The following SOX5 variants were observed in gnomAD, a reference collection of about 807,000 sequenced individuals.
SOX5 encodes SRY-box transcription factor 5.
SOX5 carries 9 observed loss-of-function variants against 92.0 expected under a neutral mutation model. The ratio of observed to expected loss-of-function variants is 0.10; its 90% CI spans 0.06 to 0.17. The LOEUF (loss-of-function observed/expected upper bound fraction) is 0.17. SOX5 is among the 10% of genes least tolerant of loss of function. The probability of loss-of-function intolerance (pLI) is 1.00; values close to 1 mark genes in which losing one functional copy is unlikely to be tolerated. For synonymous variants in SOX5, 344 were observed against 336.3 expected, an observed-to-expected ratio of 1.02 and a Z score of -0.25; for missense variants, 642 against 944.5, an observed-to-expected ratio of 0.68 and a Z score of 4.20.
intron 4 of SOX5, among the ~76,000 whole-genome samples, chr12:24,206,637 T>C (rs1024777936): frequency 2.1e-4 from 32 of 151,872 alleles, no homozygotes; most frequent in Admixed American, 2.1e-3. Flanking sequence ...GCTTCGTGAC[T>C]GGGAATTATT....
At chr12:24,107,663 C>A (rs1286289798) in intron 4 of SOX5, among the ~76,000 whole-genome samples, 1 of 152,178 alleles carries the variant, frequency 6.6e-6, no homozygotes, top group East Asian at 1.9e-4. Context: ...GGAGTTCCTG[C>A]ATCTTTAACG....
chr12:24,383,786 T>C (rs1958075828), intron 1 of SOX5, among the ~76,000 whole-genome samples: 1 of 151,650 alleles, frequency 6.6e-6, no homozygotes, highest in African/African-American at 2.4e-5. Flanking sequence ...GCTTGGGGAG[T>C]GGTTTCAGGA....
intron 4 of SOX5, among the ~76,000 whole-genome samples, chr12:24,080,100 T>C (rs930415575): frequency 1.3e-5 from 2 of 151,936 alleles, no homozygotes; most frequent in Non-Finnish European, 2.9e-5. Flanking sequence ...ACTACTTTTA[T>C]TTCCTATTAC....
chr12:23,859,063 T>G (rs1292576133), intron 2 of SOX5, among the ~76,000 whole-genome samples: 3 of 152,040 alleles, frequency 2.0e-5, no homozygotes, highest in Non-Finnish European at 4.4e-5. Flanking sequence ...TTGCGTTAAC[T>G]GTACAAATTG....
chr12:24,471,508 T>G (rs563148262), intron 1 of SOX5, among the ~76,000 whole-genome samples: 2 of 152,334 alleles, frequency 1.3e-5, no homozygotes, highest in African/African-American at 4.8e-5. Context: ...ATGATAAAGA[T>G]GTATGAGATT....
chr12:23,996,188 T>A (rs943085319), intron 4 of SOX5, among the ~76,000 whole-genome samples: 13 of 152,204 alleles, frequency 8.5e-5, no homozygotes, highest in African/African-American at 2.9e-4. Flanking sequence ...ACCTGAAATC[T>A]AATCCTTGGA....
chr12:23,809,346 T>G (rs950629992), intron 3 of SOX5, among the ~76,000 whole-genome samples: 1 of 152,130 alleles, frequency 6.6e-6, no homozygotes, highest in South Asian at 2.1e-4. Flanking sequence ...CATATAATAT[T>G]CTCTCAAGAA....
chr12:23,764,512 G>A (rs1330392517), intron 3 of SOX5, among the ~76,000 whole-genome samples: 1 of 152,008 alleles, frequency 6.6e-6, no homozygotes, highest in African/African-American at 2.4e-5. Context: ...AAAGATGAGA[G>A]TGCGTAGTTC....
At chr12:23,860,731 G>A (rs1293810007) in intron 2 of SOX5, among the ~76,000 whole-genome samples, 1 of 152,042 alleles carries the variant, frequency 6.6e-6, no homozygotes, top group African/African-American at 2.4e-5. Context: ...GACTTATGAA[G>A]CATTTATTTC....
chr12:23,701,879 C>T lies in SOX5; in HGVS notation c.810+32805G>A, dbSNP rs187797131. On this transcript the variant is annotated intron_variant, in intron 6 of 14. Transcript: ENST00000451604. ...TTCTATTTCTCTTTGTTATCACATA[C>T]CCTTTCTTTACCTCCAAAGATATAC... Among the ~76,000 whole-genome samples, 184 of 152,176 alleles carry T rather than the reference C, an allele frequency of 1.2e-3. 1 individual carries two copies. The highest frequency in any genetic ancestry group is 4.3e-3 in the African/African-American group (180 of 41,524).
In SOX5 at chr12:23,640,802, C is replaced by T; in HGVS notation, c.1017+10G>A. ...AACCTTTGTCTCCTCTGTATTGTTT[C>T]CTGACTTACCTGCAGTTGGAGTGGG... On this transcript the variant is annotated intron_variant, in intron 8 of 14. Transcript: ENST00000451604. 1 of 1,605,934 alleles carries T rather than the reference C, an allele frequency of 6.2e-7. No homozygotes were observed. The highest frequency in any genetic ancestry group is 8.5e-7 in the Non-Finnish European group (1 of 1,172,552).
At chr12:23,998,659 G>A (rs528222594) in intron 4 of SOX5, among the ~76,000 whole-genome samples, 149 of 151,666 alleles carry the variant, frequency 9.8e-4, no homozygotes, top group African/African-American at 3.4e-3. Context: ...AAAATTAGCC[G>A]GGCATGGTGG....
At chr12:23,540,814 A>G (rs991569420) in intron 13 of SOX5, among the ~76,000 whole-genome samples, 7 of 152,228 alleles carry the variant, frequency 4.6e-5, no homozygotes, top group African/African-American at 1.7e-4. Context: ...ATGTCAACCC[A>G]GCTCAAGCGC....
chr12:24,103,222 G>A (rs1227499546), intron 4 of SOX5, among the ~76,000 whole-genome samples: 1 of 152,200 alleles, frequency 6.6e-6, no homozygotes, highest in South Asian at 2.1e-4. Flanking sequence ...TGAGTAAATT[G>A]TGGATATTAT....
At chr12:23,588,634 GCTTAT>G (rs1463296653) in intron 9 of SOX5, among the ~76,000 whole-genome samples, 2 of 151,708 alleles carry the variant, frequency 1.3e-5, no homozygotes, top group African/African-American at 2.4e-5. Context: ...TTGCCTTAGA[GCTTAT>G]CTTATTTTGA....
chr12:23,909,511 A>G (rs1342114611), intron 1 of SOX5, among the ~76,000 whole-genome samples: 1 of 152,192 alleles, frequency 6.6e-6, no homozygotes, highest in African/African-American at 2.4e-5. Flanking sequence ...AAATCTGGAA[A>G]AGAAAAACTT....
intron 6 of SOX5, among the ~76,000 whole-genome samples, chr12:23,717,085 A>G (rs558034095): frequency 6.6e-6 from 1 of 152,294 alleles, no homozygotes; most frequent in East Asian, 1.9e-4. Flanking sequence ...TTACAGACTC[A>G]GTTTACTTTT....
chr12:24,396,146 C>G (rs768266375), intron 1 of SOX5, among the ~76,000 whole-genome samples: 15 of 152,156 alleles, frequency 9.9e-5, no homozygotes, highest in Non-Finnish European at 1.6e-4. Flanking sequence ...ATAGTCTTTA[C>G]AAAGGCTAAG....
rs72370535 is a variant in SOX5, at chr12:23,603,445, A to AATAT, written c.1164+938_1164+941dup. ...TTCAGCAAAATAAATATATATATAA[A>AATAT]ATATATATATATATATATATATTTT... On this transcript the variant is annotated intron_variant, in intron 9 of 14. Transcript: ENST00000451604. Among the ~76,000 whole-genome samples, 497 of 124,850 alleles carry AATAT rather than the reference A, an allele frequency of 4.0e-3. 16 individuals carry two copies. The East Asian group carries it at 0.075, about 19-fold the overall frequency. 81.9% of individuals were successfully genotyped at this position (124,850 alleles called of 152,430 possible).
Sources: allele counts gnomAD v4.1 joint callset (sites outside exome capture counted in the v4.1 genomes callset), GRCh38; gene constraint gnomAD v4.1.1; transcripts MANE v1.5; gene names NCBI Gene and HGNC (gene_info 2026-07-23, HGNC 2026-07-21).